PCSK2: variants seen among roughly 807,000 people sequenced by gnomAD.
PCSK2 encodes neuroendocrine convertase 2.
Under a neutral mutation model 69.7 loss-of-function variants are expected in PCSK2, and 14 were observed. That is an observed-to-expected ratio of 0.20 (90% CI 0.13 to 0.31). PCSK2 has a LOEUF of 0.31. PCSK2 is among the 10% of genes least tolerant of loss of function. The probability of loss-of-function intolerance (pLI) is 1.00; values close to 1 mark genes in which losing one functional copy is unlikely to be tolerated. For missense variants in PCSK2, 544 were observed against 842.5 expected (o/e 0.65, Z 4.39); for synonymous variants, 307 against 320.7 (o/e 0.96, Z 0.46).
chr20:17,439,902 C>T (rs2032561369), intron 8 of PCSK2, among the ~76,000 whole-genome samples: 1 of 152,184 alleles, frequency 6.6e-6, no homozygotes, highest in South Asian at 2.1e-4. Flanking sequence ...CACCTCCAAC[C>T]ACAGCTGTCA....
At chr20:17,410,302 A>C (rs1174559688) in intron 6 of PCSK2, among the ~76,000 whole-genome samples, 1 of 152,202 alleles carries the variant, frequency 6.6e-6, no homozygotes, top group Non-Finnish European at 1.5e-5. Flanking sequence ...CCAAATCCAC[A>C]TTTGTACTAT....
intron 6 of PCSK2, among the ~76,000 whole-genome samples, chr20:17,419,648 G>C (rs762189566): frequency 2.0e-5 from 3 of 152,162 alleles, no homozygotes; most frequent in Admixed American, 6.5e-5. Context: ...AAGATGTTGA[G>C]TGGCCTTGAC....
At chr20:17,341,277 T>C (rs535179198) in intron 2 of PCSK2, among the ~76,000 whole-genome samples, 9 of 152,282 alleles carry the variant, frequency 5.9e-5, no homozygotes, top group South Asian at 4.1e-4. Context: ...AGGGTTTAAA[T>C]TGAATCTCTT....
At chr20:17,446,979 G>C (rs146334916) in intron 8 of PCSK2, among the ~76,000 whole-genome samples, 7 of 152,092 alleles carry the variant, frequency 4.6e-5, no homozygotes, top group African/African-American at 1.7e-4. Context: ...GAGGTCAGGC[G>C]AGGTGGCTCA....
At chr20:17,354,441 C>T (rs1016759454) in intron 2 of PCSK2, among the ~76,000 whole-genome samples, 1 of 152,106 alleles carries the variant, frequency 6.6e-6, no homozygotes, top group Non-Finnish European at 1.5e-5. Flanking sequence ...AAGTCAGTGA[C>T]CTTTTAGTAA....
intron 2 of PCSK2, among the ~76,000 whole-genome samples, chr20:17,274,129 C>A (rs1354924919): frequency 6.6e-6 from 1 of 152,084 alleles, no homozygotes; most frequent in Non-Finnish European, 1.5e-5. Flanking sequence ...TTATTCAAAA[C>A]AACAATAAAC....
chr20:17,294,396 G>A (rs949577675), intron 2 of PCSK2, among the ~76,000 whole-genome samples: 2 of 152,264 alleles, frequency 1.3e-5, no homozygotes, highest in African/African-American at 2.4e-5. Flanking sequence ...GTGAGCCGCC[G>A]CGCCCGGCCT....
chr20:17,438,116 G>A (rs1229119264), intron 8 of PCSK2, among the ~76,000 whole-genome samples: 1 of 152,200 alleles, frequency 6.6e-6, no homozygotes, highest in African/African-American at 2.4e-5. Context: ...CAGTGTGTGA[G>A]ATTTTGTGTG....
chr20:17,328,632 G>C (rs1025343762), intron 2 of PCSK2, among the ~76,000 whole-genome samples: 11 of 152,208 alleles, frequency 7.2e-5, no homozygotes, highest in African/African-American at 2.6e-4. Context: ...ATGGTAAACG[G>C]AAGAGGAGAG....
chr20:17,392,575 A>T (rs2031410706), intron 5 of PCSK2, among the ~76,000 whole-genome samples: 1 of 152,164 alleles, frequency 6.6e-6, no homozygotes, highest in African/African-American at 2.4e-5. Flanking sequence ...CACCCAAAAA[A>T]CTTTCCTCCT....
chr20:17,359,626 G>A (rs769493508), intron 3 of PCSK2, among the ~76,000 whole-genome samples: 8 of 152,166 alleles, frequency 5.3e-5, no homozygotes, highest in African/African-American at 9.7e-5. Context: ...TCAGTCATCC[G>A]CCATTCTAAC....
At chr20:17,427,905 C>T (rs893179231) in intron 6 of PCSK2, among the ~76,000 whole-genome samples, 3 of 152,194 alleles carry the variant, frequency 2.0e-5, no homozygotes, top group Non-Finnish European at 4.4e-5. Context: ...AGAAAAGCCA[C>T]ATGGTCTCCT....
intron 2 of PCSK2, among the ~76,000 whole-genome samples, chr20:17,267,147 G>A (rs988915399): frequency 3.9e-5 from 6 of 152,232 alleles, no homozygotes; most frequent in African/African-American, 1.4e-4. Flanking sequence ...TCCAGAGATT[G>A]AACTGAACTA....
intron 8 of PCSK2, among the ~76,000 whole-genome samples, chr20:17,445,262 A>T (rs1188159906): frequency 6.6e-6 from 1 of 152,232 alleles, no homozygotes; most frequent in Non-Finnish European, 1.5e-5. Context: ...CTTGAAAGTG[A>T]CAACTGATTC....
At chr20:17,340,185 G>A (rs1427899750) in intron 2 of PCSK2, among the ~76,000 whole-genome samples, 1 of 152,198 alleles carries the variant, frequency 6.6e-6, no homozygotes, top group Admixed American at 6.5e-5. Flanking sequence ...GCGGCATGGA[G>A]GAAGAGTCAT....
intron 5 of PCSK2, among the ~76,000 whole-genome samples, chr20:17,390,608 T>C (rs1600541829): frequency 6.6e-6 from 1 of 152,180 alleles, no homozygotes. Context: ...GTCAGGGCAC[T>C]TGGAAACTCT....
chr20:17,331,027 G>A (rs1990192355), intron 2 of PCSK2, among the ~76,000 whole-genome samples: 1 of 152,192 alleles, frequency 6.6e-6, no homozygotes, highest in African/African-American at 2.4e-5. Context: ...GGGAAGCTGG[G>A]TAAGCAGCTG....
intron 8 of PCSK2, among the ~76,000 whole-genome samples, chr20:17,448,979 C>T (rs1014665383): frequency 2.6e-5 from 4 of 150,994 alleles, no homozygotes; most frequent in Non-Finnish European, 1.5e-5. Flanking sequence ...TCCTCAAACT[C>T]CTGGGCTCCT....
At chr20:17,371,844 A>C (rs553609364) in intron 5 of PCSK2, among the ~76,000 whole-genome samples, 5 of 152,292 alleles carry the variant, frequency 3.3e-5, no homozygotes, top group African/African-American at 9.6e-5. Flanking sequence ...GGTTGTTTCC[A>C]ATCAGTGTTT....
Sources: gnomAD v4.1 joint callset for allele counts (sites outside exome capture counted in the v4.1 genomes callset) on GRCh38, gnomAD v4.1.1 for gene constraint, MANE v1.5 for transcripts, NCBI Gene and HGNC (gene_info 2026-07-23, HGNC 2026-07-21) for gene names.